RORA: variants seen among roughly 807,000 people sequenced by gnomAD.
The protein encoded by RORA is nuclear receptor ROR-alpha.
RORA carries 7 observed loss-of-function variants against 69.5 expected under a neutral mutation model. The ratio of observed to expected loss-of-function variants is 0.10; its 90% CI spans 0.06 to 0.19. The LOEUF is 0.19. Among genes scored for constraint, RORA ranks in the 10% least tolerant of loss-of-function variants. RORA has a pLI of 1.00. For missense variants in RORA, 457 were observed against 663.0 expected, an observed-to-expected ratio of 0.69 and a Z score of 3.41; for synonymous variants, 261 against 240.8, an observed-to-expected ratio of 1.08 and a Z score of -0.78.
chr15:60,821,160 G>C (rs2140378835), intron 1 of RORA, among the ~76,000 whole-genome samples: 1 of 152,248 alleles, frequency 6.6e-6, no homozygotes, highest in Non-Finnish European at 1.5e-5. Context: ...GGCTGTACAA[G>C]GGATCCATCT....
intron 1 of RORA, among the ~76,000 whole-genome samples, chr15:60,780,924 T>C (rs969650977): frequency 6.6e-6 from 1 of 152,212 alleles, no homozygotes; most frequent in Admixed American, 6.5e-5. Flanking sequence ...GGTCATGCAA[T>C]CTTCCAAGTG....
At chr15:60,931,327 A>ACCCACGAACAGCCCCTCCCTGCCC (rs1379492479) in intron 1 of RORA, among the ~76,000 whole-genome samples, 28 of 152,288 alleles carry the variant, frequency 1.8e-4, no homozygotes, top group African/African-American at 6.7e-4. Flanking sequence ...ATGCCCTGCC[A>ACCCACGAACAGCCCCTCCCTGCCC]CCCACGAACA....
Position 60,952,242 on chromosome 15 carries a change from G to C in RORA, c.167-273556C>G, listed in dbSNP as rs527958126. On this transcript the variant is annotated intron_variant, in intron 1 of 10. Coordinates refer to ENST00000335670, the MANE Select transcript of RORA (RefSeq NM_134261.3). ...AAAGCCTTTGACAAAATTCAACAAC[G>C]CTTCAGGCTAAAAACTCTCAATAAA... 2.0e-5 allele frequency among the ~76,000 whole-genome samples: 3 copies of C among 151,738 alleles called. No homozygotes were observed. In the East Asian group the frequency reaches 5.8e-4, roughly 29 times the overall value.
At chr15:61,216,512 G>A (rs2080041997) in intron 1 of RORA, among the ~76,000 whole-genome samples, 1 of 151,176 alleles carries the variant, frequency 6.6e-6, no homozygotes, top group African/African-American at 2.4e-5. Context: ...TTTTTTGGCA[G>A]AAAGGAGAAA....
At chr15:60,538,931 C>A (rs1236132223) in intron 2 of RORA, among the ~76,000 whole-genome samples, 1 of 151,710 alleles carries the variant, frequency 6.6e-6, no homozygotes, top group Admixed American at 6.6e-5. Flanking sequence ...ATTGTAATTT[C>A]TCCGGAAAAC....
chr15:60,627,603 A>T, intron 2 of RORA: 1 of 1,130,834 alleles, frequency 8.8e-7, no homozygotes, highest in Non-Finnish European at 1.1e-6. Context: ...TGTTGACTAA[A>T]TTCCAAAGCT....
chr15:60,582,508 G>A (rs1424684425), intron 2 of RORA, among the ~76,000 whole-genome samples: 1 of 152,122 alleles, frequency 6.6e-6, no homozygotes, highest in Non-Finnish European at 1.5e-5. Flanking sequence ...CGCAGATCTG[G>A]GACAATAACC....
intron 2 of RORA, among the ~76,000 whole-genome samples, chr15:60,651,415 G>A (rs191007478): frequency 9.9e-5 from 15 of 152,150 alleles, no homozygotes; most frequent in South Asian, 6.2e-4. Flanking sequence ...CATATGTCCC[G>A]CTGCATACAT....
intron 1 of RORA, among the ~76,000 whole-genome samples, chr15:61,065,853 T>C (rs1566971506): frequency 6.6e-6 from 1 of 152,218 alleles, no homozygotes. Flanking sequence ...ACTCCTTTAA[T>C]CTGACTACAT....
chr15:60,819,068 T>C (rs1390592360), intron 1 of RORA, among the ~76,000 whole-genome samples: 1 of 152,224 alleles, frequency 6.6e-6, no homozygotes, highest in Non-Finnish European at 1.5e-5. Flanking sequence ...GGTCTCACTC[T>C]CTGGTTTTCT....
chr15:60,531,020 C>T lies in RORA; in HGVS notation c.282+746G>A, dbSNP rs956087550. On this transcript the variant is annotated intron_variant, in intron 3 of 10. Coordinates refer to ENST00000335670, the MANE Select transcript of RORA (RefSeq NM_134261.3). This position sits in a 1 kb window ranked among gnomAD's most constrained non-coding sequence, Gnocchi z 4.8. Reference sequence around the variant, plus strand: ...TCTTGAATTATTGGGATAAACATCTCTGTTTCTCATCTGCACATTATGCAT... The same window carrying T: ...TCTTGAATTATTGGGATAAACATCTTTGTTTCTCATCTGCACATTATGCAT... The T allele has an allele frequency of 4.6e-5, 7 of 152,222 alleles. No homozygotes were observed. The highest frequency in any genetic ancestry group is 1.4e-4 in the African/African-American group (6 of 41,460). The allele number at this position is 152,222 out of a possible 1,614,324, so 9.4% of individuals were successfully genotyped here.
At chr15:61,132,881 T>C (rs2079203733) in intron 1 of RORA, among the ~76,000 whole-genome samples, 1 of 152,206 alleles carries the variant, frequency 6.6e-6, no homozygotes, top group African/African-American at 2.4e-5. Flanking sequence ...GTTGACACTT[T>C]TATAAATATA....
chr15:61,096,682 A>G (rs763218777), intron 1 of RORA, among the ~76,000 whole-genome samples: 3 of 152,166 alleles, frequency 2.0e-5, no homozygotes, highest in Non-Finnish European at 4.4e-5. Flanking sequence ...GAGCTCACAC[A>G]AAGAGCTTCC....
At chr15:60,728,715 G>A (rs2140834680) in intron 1 of RORA, among the ~76,000 whole-genome samples, 1 of 152,222 alleles carries the variant, frequency 6.6e-6, no homozygotes, top group Middle Eastern at 3.4e-3. Flanking sequence ...AATGCAACAA[G>A]TATATGCCAA....
intron 1 of RORA, among the ~76,000 whole-genome samples, chr15:61,084,032 T>C (rs1214759695): frequency 1.3e-5 from 2 of 152,158 alleles, no homozygotes; most frequent in Non-Finnish European, 2.9e-5. Flanking sequence ...AGGGACTTCC[T>C]ACCATGGAGA....
intron 1 of RORA, among the ~76,000 whole-genome samples, chr15:61,143,987 C>T (rs111863480): frequency 9.9e-5 from 15 of 152,228 alleles, no homozygotes; most frequent in African/African-American, 3.6e-4. Context: ...AAGCAAATGA[C>T]AAAGAGGCAA....
chr15:61,185,284 T>C (rs1468533015), intron 1 of RORA, among the ~76,000 whole-genome samples: 3 of 152,180 alleles, frequency 2.0e-5, no homozygotes, highest in Admixed American at 6.5e-5. Context: ...TAAATGATAT[T>C]TAGCCTCCAG....
Position 60,846,633 on chromosome 15 carries a change from C to T in RORA, c.167-167947G>A, listed in dbSNP as rs568462088. Among the ~76,000 whole-genome samples, 8 of 152,320 alleles carry T rather than the reference C, an allele frequency of 5.3e-5. No homozygotes were observed. The East Asian group carries it at 1.5e-3, about 29-fold the overall frequency. On this transcript the variant is annotated intron_variant, in intron 1 of 10. Coordinates refer to ENST00000335670, the MANE Select transcript of RORA (RefSeq NM_134261.3). ...TCACACATTAGAGCTTTTGTCACTA[C>T]ATATCAAAAATGGTCAAGCTGCCTT...
At chr15:61,130,911 C>T (rs2140842398) in intron 1 of RORA, among the ~76,000 whole-genome samples, 1 of 152,234 alleles carries the variant, frequency 6.6e-6, no homozygotes, top group East Asian at 1.9e-4. Flanking sequence ...TTCACAATTA[C>T]TCCTGGTATC....
Sources: allele counts gnomAD v4.1 joint callset (sites outside exome capture counted in the v4.1 genomes callset), GRCh38; gene constraint gnomAD v4.1.1; non-coding constraint Gnocchi (gnomAD v3.1); transcripts MANE v1.5; gene names NCBI Gene and HGNC (gene_info 2026-07-23, HGNC 2026-07-21).